The following CADM2 variants were observed in gnomAD, a reference collection of about 807,000 sequenced individuals.
The protein encoded by CADM2 is immunoglobulin superfamily member 4D.
In CADM2, 12 loss-of-function variants were observed where a neutral mutation model predicts 49.8. That is an observed-to-expected ratio of 0.24 (90% CI 0.15 to 0.39). The LOEUF is 0.39. Ranked by LOEUF, CADM2 falls within the 10% of genes least tolerant of loss-of-function variation. The probability of loss-of-function intolerance (pLI) is 1.00; values close to 1 mark genes in which losing one functional copy is unlikely to be tolerated. For missense variants in CADM2, 378 were observed against 492.3 expected (o/e 0.77, Z 2.20); for synonymous variants, 214 against 175.4 (o/e 1.22, Z -1.74).
chr3:85,857,827 C>T (rs944348526), intron 3 of CADM2, among the ~76,000 whole-genome samples: 1 of 152,152 alleles, frequency 6.6e-6, no homozygotes, highest in Non-Finnish European at 1.5e-5. Flanking sequence ...TTTTTACCAC[C>T]ATCAGCAGTG....
At chr3:85,505,070 C>A (rs140755204) in intron 1 of CADM2, among the ~76,000 whole-genome samples, 12,265 of 152,182 alleles carry the variant, frequency 0.081, 963 homozygotes, top group African/African-American at 0.19. Flanking sequence ...TCCACACCTC[C>A]CTGCAAGCTG....
At chr3:85,198,165 C>A (rs1017972851) in intron 1 of CADM2, among the ~76,000 whole-genome samples, 4 of 151,712 alleles carry the variant, frequency 2.6e-5, no homozygotes, top group African/African-American at 9.7e-5. Context: ...GCCTAATTAA[C>A]AGAATTATAA....
At chr3:85,566,932 A>G (rs998835906) in intron 1 of CADM2, among the ~76,000 whole-genome samples, 1 of 152,170 alleles carries the variant, frequency 6.6e-6, no homozygotes, top group African/African-American at 2.4e-5. Flanking sequence ...GAACACTGTG[A>G]CTTTTTTAGT....
intron 1 of CADM2, among the ~76,000 whole-genome samples, chr3:85,454,782 G>T (rs1337917675): frequency 6.6e-6 from 1 of 152,172 alleles, no homozygotes; most frequent in African/African-American, 2.4e-5. Context: ...AACTATCGTT[G>T]TTGCCTTTAG....
rs530413354 is a variant in CADM2 at position 85,532,164 on chromosome 3, G to A, written c.62-194358G>A. Among the ~76,000 whole-genome samples, 101 of 150,974 alleles carry A rather than the reference G, an allele frequency of 6.7e-4. 1 individual carries two copies. Among genetic ancestry groups the A allele is most frequent in the Non-Finnish European group, 1.2e-3 (79 of 67,746 alleles). ...TGCACTCTAGCCTGGGCGACAGAGC[G>A]AGACTCCGTCTCAAAAATAATAATA... On this transcript the variant is annotated intron_variant, in intron 1 of 9. Coordinates refer to ENST00000383699, the MANE Select transcript of CADM2 (RefSeq NM_001167675.2).
intron 1 of CADM2, among the ~76,000 whole-genome samples, chr3:85,015,765 A>G (rs2034224838): frequency 6.6e-6 from 1 of 152,154 alleles, no homozygotes; most frequent in Admixed American, 6.6e-5. Context: ...ACATTTATGA[A>G]TGAAGGCTCC....
intron 1 of CADM2, among the ~76,000 whole-genome samples, chr3:85,230,722 T>G (rs911162232): frequency 1.1e-4 from 17 of 152,136 alleles, no homozygotes; most frequent in Non-Finnish European, 2.1e-4. Context: ...TAGGGAGAAA[T>G]TAAGTGTTCT....
chr3:85,300,849 A>G (rs2044080877), intron 1 of CADM2, among the ~76,000 whole-genome samples: 2 of 151,854 alleles, frequency 1.3e-5, no homozygotes, highest in Admixed American at 1.3e-4. Flanking sequence ...TTTTTTTCAT[A>G]TTTGGAATTT....
At chr3:85,606,500 A>G (rs2063542954) in intron 1 of CADM2, among the ~76,000 whole-genome samples, 1 of 152,118 alleles carries the variant, frequency 6.6e-6, no homozygotes, top group Admixed American at 6.6e-5. Context: ...ATATTGGTAT[A>G]TTTACTAAAT....
At chr3:85,407,578 A>C (rs1367248986) in intron 1 of CADM2, among the ~76,000 whole-genome samples, 1 of 152,160 alleles carries the variant, frequency 6.6e-6, no homozygotes, top group Non-Finnish European at 1.5e-5. Context: ...TCATTTCTGC[A>C]TGACTTTTTG....
intron 1 of CADM2, among the ~76,000 whole-genome samples, chr3:85,338,075 C>T (rs182174105): frequency 6.6e-6 from 1 of 151,706 alleles, no homozygotes; most frequent in East Asian, 1.9e-4. Context: ...TTAACAGATG[C>T]CTGTTTACTC....
chr3:85,912,272 A>T lies in CADM2; in HGVS notation c.530-101A>T, dbSNP rs540642459. On this transcript the variant is annotated intron_variant, in intron 5 of 9. Coordinates refer to ENST00000383699, the MANE Select transcript of CADM2 (RefSeq NM_001167675.2). ...AATCACAAATATTTGCTTCTTAAAA[A>T]TTGATAAAAATAGGGAGAAGCTGTT... 192 of 795,606 alleles carry T rather than the reference A, an allele frequency of 2.4e-4. No individual in the cohort carries two copies. In the African/African-American group the frequency reaches 3.2e-3, roughly 13 times the overall value. 49.3% of individuals were successfully genotyped at this position (795,606 alleles called of 1,614,324 possible). A position where few individuals can be genotyped will look rare whatever the true frequency, so the allele number is the denominator to read the frequency against.
At chr3:85,449,061 T>TAATAATAATAAA (rs2037620931) in intron 1 of CADM2, among the ~76,000 whole-genome samples, 1 of 147,352 alleles carries the variant, frequency 6.8e-6, no homozygotes, top group South Asian at 2.1e-4. Flanking sequence ...AAAATAATAA[T>TAATAATAATAAA]AATAATAATA....
intron 8 of CADM2, among the ~76,000 whole-genome samples, chr3:86,039,651 C>A (rs867980321): frequency 6.6e-6 from 1 of 152,204 alleles, no homozygotes; most frequent in Non-Finnish European, 1.5e-5. Context: ...GAATCCACCT[C>A]TGGGGGGAGG....
In CADM2 at chr3:85,448,491, A is replaced by G. The variant is rs115867785; in HGVS notation, c.62-278031A>G. Among the ~76,000 whole-genome samples, 1,386 of 152,214 alleles carry G rather than the reference A, an allele frequency of 9.1e-3. 20 individuals are homozygous for G. Among genetic ancestry groups the G allele is most frequent in the African/African-American group, 0.03 (1,256 of 41,522 alleles). On this transcript the variant is annotated intron_variant, in intron 1 of 9. Coordinates refer to ENST00000383699, the MANE Select transcript of CADM2 (RefSeq NM_001167675.2). ...TTCATGATTCTAAACAAATAATTGA[A>G]AAGTTAAAAAGTTCAATAAAATACG...
At chr3:85,143,955 A>G (rs958563938) in intron 1 of CADM2, among the ~76,000 whole-genome samples, 3 of 152,142 alleles carry the variant, frequency 2.0e-5, no homozygotes, top group Non-Finnish European at 4.4e-5. Context: ...ATTCATCTTC[A>G]GTTATACTCC....
At chr3:85,916,375 T>C (rs1445233836) in intron 6 of CADM2, among the ~76,000 whole-genome samples, 1 of 143,756 alleles carries the variant, frequency 7.0e-6, no homozygotes, top group Non-Finnish European at 1.5e-5. Flanking sequence ...CCTGTGTCCA[T>C]GTGTTCTCAT....
intron 1 of CADM2, among the ~76,000 whole-genome samples, chr3:85,032,451 G>T (rs1468863984): frequency 6.6e-6 from 1 of 152,022 alleles, no homozygotes; most frequent in Non-Finnish European, 1.5e-5. Context: ...AAAGACACAT[G>T]CAGAATGTAC....
At chr3:85,528,478 CCT>C (rs1275105551) in intron 1 of CADM2, among the ~76,000 whole-genome samples, 1 of 152,162 alleles carries the variant, frequency 6.6e-6, no homozygotes, top group Non-Finnish European at 1.5e-5. Context: ...TATTGTTTAA[CCT>C]CTTTGTGTTC....
Sources: allele counts gnomAD v4.1 joint callset (sites outside exome capture counted in the v4.1 genomes callset), GRCh38; gene constraint gnomAD v4.1.1; transcripts MANE v1.5; gene names NCBI Gene and HGNC (gene_info 2026-07-23, HGNC 2026-07-21).